The following DAAM2 variants were observed in gnomAD, a reference collection of about 807,000 sequenced individuals.
DAAM2 encodes disheveled-associated activator of morphogenesis 2.
DAAM2 carries 39 observed loss-of-function variants against 120.7 expected under a neutral mutation model. The observed-to-expected ratio is 0.32, with a 90% CI of 0.25 to 0.42. The LOEUF (loss-of-function observed/expected upper bound fraction) is 0.42, where lower values mean the gene tolerates loss of function less well. Among genes scored for constraint, DAAM2 ranks in the 10% least tolerant of loss-of-function variants. The pLI is 1.00. For missense variants in DAAM2, 1,283 were observed against 1,401.7 expected (o/e 0.92, Z 1.35); for synonymous variants, 488 against 524.9 (o/e 0.93, Z 0.96).
intron 2 of DAAM2, 84 bp downstream of exon 2, chr6:39,856,554 G>A: frequency 8.8e-7 from 1 of 1,130,714 alleles, no homozygotes; most frequent in Middle Eastern, 2.3e-4. Flanking sequence ...CAGGGCCCCT[G>A]TGCTGGGGTC....
chr6:39,857,465 C>A (rs185184736), intron 2 of DAAM2, among the ~76,000 whole-genome samples: 454 of 152,344 alleles, frequency 3.0e-3, no homozygotes, highest in Middle Eastern at 6.8e-3. Context: ...GCTTCCTTGT[C>A]ACATCAGGTT....
intron 3 of DAAM2, chr6:39,861,510 C>G: frequency 3.9e-6 from 1 of 259,102 alleles, no homozygotes; most frequent in Non-Finnish European, 7.7e-6. Context: ...CTGTTAGCCT[C>G]CTGCTATGGC....
chr6:39,830,776 A>G (rs779874521), intron 1 of DAAM2, among the ~76,000 whole-genome samples: 1 of 152,190 alleles, frequency 6.6e-6, no homozygotes, highest in Non-Finnish European at 1.5e-5. Flanking sequence ...CATCAGGACC[A>G]GGGCAGCTCT....
chr6:39,881,055 A>G (rs2149334313), intron 14 of DAAM2, among the ~76,000 whole-genome samples: 1 of 152,388 alleles, frequency 6.6e-6, no homozygotes, highest in African/African-American at 2.4e-5. Flanking sequence ...AAGATTTTAA[A>G]GATGTAATAA....
At chr6:39,795,357 C>A (rs1337476277) in intron 1 of DAAM2, among the ~76,000 whole-genome samples, 1 of 152,188 alleles carries the variant, frequency 6.6e-6, no homozygotes, top group Non-Finnish European at 1.5e-5. Context: ...CAGCCCTAGA[C>A]TTCAGAGGCA....
intron 3 of DAAM2, among the ~76,000 whole-genome samples, chr6:39,863,336 C>T (rs2149298284): frequency 6.6e-6 from 1 of 152,270 alleles, no homozygotes; most frequent in East Asian, 1.9e-4. Flanking sequence ...GAGAATTTAA[C>T]ATGTATAACC....
chr6:39,872,604 A>G (rs1764705775), intron 9 of DAAM2, among the ~76,000 whole-genome samples: 1 of 152,298 alleles, frequency 6.6e-6, no homozygotes, highest in East Asian at 1.9e-4. Context: ...TAAAATCCCC[A>G]TCCAAATAGA....
At chr6:39,861,984 G>C (rs561350261) in intron 3 of DAAM2, 1 of 152,248 alleles carries the variant, frequency 6.6e-6, no homozygotes, top group Non-Finnish European at 1.5e-5. Flanking sequence ...ATCCCATTCC[G>C]AGGTCTCCAC....
Position 39,900,114 on chromosome 6 carries a change from G to A in DAAM2, c.2717G>A (p.Ser906Asn). Residue 906 changes from serine (S) to asparagine (N), a missense_variant, in exon 23 of 25, where the codon AGT (serine) becomes AAT (asparagine). By Grantham distance (46) the Ser-to-Asn change is conservative (BLOSUM62 1). Around this residue, in one of 3 missense-constraint regions of DAAM2, gnomAD observed 748 missense variants for 768.6 expected, o/e 0.97. Transcript: ENST00000274867. ...CAGAGGCGCCAGGTACGGGAGCCCA[G>A]TGACAAGTTTGTCCCTGTCATGAGC... ...EYQRRQVREP[S>N]DKFVPVMSDF... 6.2e-7 allele frequency: 1 copy of A among 1,600,948 alleles called. No homozygotes were observed. Among genetic ancestry groups the A allele is most frequent in the African/African-American group, 1.3e-5 (1 of 74,564 alleles).
rs1268255947 is a variant in DAAM2, at chr6:39,897,193, T to C, written c.2529T>C (p.His843=). The C allele has an allele frequency of 1.2e-6, 2 of 1,613,008 alleles. No homozygotes were observed. Among genetic ancestry groups the C allele is most frequent in the African/African-American group, 1.3e-5 (1 of 74,908 alleles). The change falls in exon 21 of 25, where the codon CAT becomes CAC. Residue 843 remains histidine (H), a synonymous_variant. Coordinates refer to ENST00000274867, the MANE Select transcript of DAAM2 (RefSeq NM_001201427.2). ...TCCACAGAAACATCTCTCTGCTCCATTACCTGATCATGATCCTGGAGAAGC... is the reference window on the plus strand; with the variant it reads ...TCCACAGAAACATCTCTCTGCTCCACTACCTGATCATGATCCTGGAGAAGC... ...SSIDRNISLL[H]YLIMILEKHF...
chr6:39,870,571 A>G (rs772990860), intron 8 of DAAM2, 128 bp downstream of exon 8: 18 of 670,842 alleles, frequency 2.7e-5, no homozygotes, highest in Admixed American at 1.1e-4. Flanking sequence ...GCAGATTCAG[A>G]ATCAGCTCTG....
intron 1 of DAAM2, among the ~76,000 whole-genome samples, chr6:39,825,445 T>TAGG (rs1762636488): frequency 8.5e-6 from 1 of 117,376 alleles, no homozygotes; most frequent in Non-Finnish European, 1.7e-5. Flanking sequence ...GTCGGGGGGT[T>TAGG]GGTGGGGGGC....
chr6:39,870,919 AT>A (rs2149314606), intron 8 of DAAM2, among the ~76,000 whole-genome samples: 1 of 152,286 alleles, frequency 6.6e-6, no homozygotes, highest in Admixed American at 6.5e-5. Flanking sequence ...GTTCTGTCCC[AT>A]TAGTTTAGGC....
chr6:39,903,340 A>AG lies in DAAM2; in HGVS notation c.*1309dup, dbSNP rs1766595702. ...GAAGGTGCCAAGGAGGAAGGCTGAG[A>AG]GGGGGGCCACCCCATTTCTGGTACC... On this transcript the variant is annotated 3_prime_UTR_variant, in exon 25 of 25. Coordinates refer to ENST00000274867, the MANE Select transcript of DAAM2 (RefSeq NM_001201427.2). 6.6e-6 allele frequency: 1 copy of AG among 152,222 alleles called. No homozygotes were observed. The highest frequency in any genetic ancestry group is 1.5e-5 in the Non-Finnish European group (1 of 68,042). 9.4% of individuals were successfully genotyped at this position (152,222 alleles called of 1,614,324 possible). A position where few individuals can be genotyped will look rare whatever the true frequency, so the allele number is the denominator to read the frequency against.
At chr6:39,829,980 C>T (rs1009193577) in intron 1 of DAAM2, among the ~76,000 whole-genome samples, 18 of 152,182 alleles carry the variant, frequency 1.2e-4, no homozygotes, top group African/African-American at 4.1e-4. Context: ...GAGTTAGAGA[C>T]CCTTCATCCA....
intron 2 of DAAM2, among the ~76,000 whole-genome samples, chr6:39,859,557 C>T (rs902136486): frequency 6.6e-6 from 1 of 152,160 alleles, no homozygotes; most frequent in Non-Finnish European, 1.5e-5. Flanking sequence ...CCACGTGGGA[C>T]TACTGGCTCA....
At chr6:39,808,717 C>T (rs1021043933) in intron 1 of DAAM2, among the ~76,000 whole-genome samples, 6 of 152,212 alleles carry the variant, frequency 3.9e-5, no homozygotes, top group African/African-American at 9.7e-5. Context: ...CCTGAGGGCC[C>T]TTGTCCTTGT....
At chr6:39,867,298 A>G in intron 5 of DAAM2, 2 of 578,584 alleles carry the variant, frequency 3.5e-6, no homozygotes, top group East Asian at 2.9e-5. Flanking sequence ...TGACAATGAT[A>G]TGCAAATACA....
At chr6:39,897,743 G>GT (rs150190956) in intron 21 of DAAM2, among the ~76,000 whole-genome samples, 1,872 of 152,272 alleles carry the variant, frequency 0.012, 18 homozygotes, top group East Asian at 0.047. Flanking sequence ...CTAGGGGTGT[G>GT]TTTTTTTACT....
Sources: gnomAD v4.1 joint callset for allele counts (sites outside exome capture counted in the v4.1 genomes callset) on GRCh38, gnomAD v4.1.1 for gene constraint, gnomAD v4.1.1 regional missense constraint, MANE v1.5 for transcripts, NCBI Gene and HGNC (gene_info 2026-07-23, HGNC 2026-07-21) for gene names.